NUP133: variants seen among roughly 807,000 people sequenced by gnomAD.
NUP133 encodes the protein nuclear pore complex protein Nup133.
NUP133 carries 66 observed loss-of-function variants against 146.2 expected under a neutral mutation model. That is an observed-to-expected ratio of 0.45 (90% CI 0.37 to 0.55). The LOEUF (loss-of-function observed/expected upper bound fraction) is 0.55. Ranked by LOEUF, NUP133 falls within the 20% of genes least tolerant of loss-of-function variation. NUP133 has a pLI of 0.00. For synonymous variants in NUP133, 521 were observed against 498.8 expected, an observed-to-expected ratio of 1.04 and a Z score of -0.59; for missense variants, 1,277 against 1,374.8, an observed-to-expected ratio of 0.93 and a Z score of 1.12.
chr1:229,491,128 T>C (rs372518124), intron 8 of NUP133, among the ~76,000 whole-genome samples: 21 of 152,184 alleles, frequency 1.4e-4, no homozygotes, highest in African/African-American at 4.6e-4. Flanking sequence ...CCAGTTTTTA[T>C]AAATGAAGTT....
intron 24 of NUP133, chr1:229,448,908 G>A (rs1660375474): frequency 1.8e-6 from 1 of 542,848 alleles, no homozygotes; most frequent in Non-Finnish European, 3.2e-6. Context: ...GGCAGTCTGA[G>A]CCCTCAACCT....
Position 229,440,934 on chromosome 1 carries a change from G to C in NUP133, c.*970C>G, listed in dbSNP as rs1053400565. 1 of 154,416 alleles carries C rather than the reference G, an allele frequency of 6.5e-6. No individual in the cohort carries two copies. Among genetic ancestry groups the C allele is most frequent in the African/African-American group, 2.4e-5 (1 of 41,480 alleles). 9.6% of individuals were successfully genotyped at this position (154,416 alleles called of 1,614,324 possible). A position where few individuals can be genotyped will look rare whatever the true frequency, so the allele number is the denominator to read the frequency against. ...TAACTTCTGACCTTTTCAGCTGCTG[G>C]AGCAAGATGGTTAGTGGGCATTCTA... On this transcript the variant is annotated 3_prime_UTR_variant, in exon 26 of 26. Transcript: ENST00000261396.
chr1:229,503,290 C>G (rs547528147), intron 2 of NUP133, among the ~76,000 whole-genome samples: 49 of 151,838 alleles, frequency 3.2e-4, no homozygotes, highest in African/African-American at 1.2e-3. Flanking sequence ...AACAAACAAA[C>G]AAAAAAGAAA....
intron 11 of NUP133, among the ~76,000 whole-genome samples, chr1:229,485,080 G>T (rs1336185805): frequency 1.3e-5 from 2 of 152,050 alleles, no homozygotes; most frequent in South Asian, 4.1e-4. Flanking sequence ...TTATGGATAG[G>T]ATATTTCAGG....
chr1:229,507,609 G>A (rs1042611647), intron 1 of NUP133, among the ~76,000 whole-genome samples: 2 of 152,172 alleles, frequency 1.3e-5, no homozygotes, highest in African/African-American at 2.4e-5. Flanking sequence ...AGATATTAAT[G>A]TCAGTTGGTA....
chr1:229,506,388 TCACTTAAACTCCTTATAATTCTGCCTC>T (rs1661936867), intron 1 of NUP133, among the ~76,000 whole-genome samples: 1 of 151,078 alleles, frequency 6.6e-6, no homozygotes, highest in African/African-American at 2.4e-5. Context: ...ATGCCTGTAT[TCACTTAAACTCCTTATAATTCTGCCTC>T]CTTAGCTGTG....
At chr1:229,499,485 G>A (rs1375785785) in intron 5 of NUP133, among the ~76,000 whole-genome samples, 199 bp downstream of exon 5, 6 of 152,022 alleles carry the variant, frequency 3.9e-5, no homozygotes, top group East Asian at 3.9e-4. Context: ...TCATTTCCAC[G>A]GCTGGGGTGC....
In NUP133 at chr1:229,472,829, C is replaced by T. The variant is rs1660991697; in HGVS notation, c.1852-2025G>A. 4.0e-5 allele frequency among the ~76,000 whole-genome samples: 6 copies of T among 151,566 alleles called. No individual in the cohort carries two copies. The South Asian group carries it at 1.3e-3, about 32-fold the overall frequency. ...TGAACACAGAGGCTTCCCTCAACAT[C>T]AGAAAACTAGAGGCAAGGGTACTGT... is the stretch of plus-strand genomic sequence containing the variant. On this transcript the variant is annotated intron_variant, in intron 14 of 25. Transcript: ENST00000261396.
At chr1:229,500,657 G>T in intron 4 of NUP133, 99 bp downstream of exon 4, 2 of 685,804 alleles carry the variant, frequency 2.9e-6, no homozygotes, top group Non-Finnish European at 2.5e-6. Flanking sequence ...ATTTCTATAG[G>T]TTTATAGTTA....
At chr1:229,488,619 C>T (rs1661421004) in intron 9 of NUP133, among the ~76,000 whole-genome samples, 1 of 146,036 alleles carries the variant, frequency 6.8e-6, no homozygotes, top group South Asian at 2.2e-4. Flanking sequence ...CATAAAAGAA[C>T]AAATCAAAAG....
intron 15 of NUP133, among the ~76,000 whole-genome samples, chr1:229,467,847 C>A (rs1401777475): frequency 6.6e-6 from 1 of 151,096 alleles, no homozygotes; most frequent in Non-Finnish European, 1.5e-5. Context: ...ATTGCTTGAA[C>A]CAAGGAGGCC....
At chr1:229,486,314 A>G in intron 11 of NUP133, 57 bp downstream of exon 11, 1 of 1,472,924 alleles carries the variant, frequency 6.8e-7, no homozygotes, top group Non-Finnish European at 9.1e-7. Context: ...AGCGTGAGAC[A>G]CTATCTCTAA....
At chr1:229,442,404 T>C (rs1356944735) in intron 25 of NUP133, among the ~76,000 whole-genome samples, 1 of 152,236 alleles carries the variant, frequency 6.6e-6, no homozygotes. Flanking sequence ...TTATGAACGC[T>C]AGCTACAGGA....
chr1:229,503,594 C>T (rs1216255340), intron 2 of NUP133, among the ~76,000 whole-genome samples: 2 of 152,238 alleles, frequency 1.3e-5, no homozygotes, highest in African/African-American at 4.8e-5. Context: ...TCTTTACTTA[C>T]AGAAAGGTAG....
intron 12 of NUP133, among the ~76,000 whole-genome samples, chr1:229,481,083 GCT>G (rs775863032): frequency 1.4e-4 from 22 of 152,018 alleles, no homozygotes; most frequent in Non-Finnish European, 2.2e-4. Flanking sequence ...AAGAGAGCTA[GCT>G]GACACTCCCC....
At chr1:229,495,372 T>C (rs1268280679) in intron 8 of NUP133, 123 bp downstream of exon 8, 11 of 683,282 alleles carry the variant, frequency 1.6e-5, no homozygotes, top group Non-Finnish European at 2.0e-5. Context: ...GCCCGGGTGA[T>C]AGAGTGAGAC....
At chr1:229,458,452 T>C (rs757586608) in intron 20 of NUP133, among the ~76,000 whole-genome samples, 156 bp from the exon 21 acceptor site, 5 of 152,156 alleles carry the variant, frequency 3.3e-5, no homozygotes, top group African/African-American at 7.2e-5. Flanking sequence ...GTACGTAACA[T>C]TGAGAGTAAT....
chr1:229,502,206 C>CA (rs1661818737), intron 2 of NUP133, 104 bp from the exon 3 acceptor site: 1 of 758,182 alleles, frequency 1.3e-6, no homozygotes, highest in African/African-American at 1.8e-5. Context: ...ACGACTACCT[C>CA]ACAACAAATA....
chr1:229,464,117 C>G (rs1246243921), intron 18 of NUP133, among the ~76,000 whole-genome samples: 1 of 152,108 alleles, frequency 6.6e-6, no homozygotes, highest in East Asian at 1.9e-4. Flanking sequence ...TGCACTACAG[C>G]CTGGGCGAGA....
Sources: allele counts gnomAD v4.1 joint callset (sites outside exome capture counted in the v4.1 genomes callset), GRCh38; gene constraint gnomAD v4.1.1; transcripts MANE v1.5; gene names NCBI Gene and HGNC (gene_info 2026-07-23, HGNC 2026-07-21).